Variants in PGS1 observed in about 807,000 individuals in gnomAD.
PGS1 encodes the protein phosphatidylglycerophosphate synthase 1, also known as CDP-diacylglycerol--glycerol-3-phosphate 3-phosphatidyltransferase, mitochondrial.
A neutral mutation model predicts 58.3 loss-of-function variants in PGS1; 44 were observed. That is an observed-to-expected ratio of 0.75 (90% CI 0.59 to 0.97). The LOEUF (loss-of-function observed/expected upper bound fraction) is 0.97. Among genes scored for constraint, PGS1 ranks in the 50% least tolerant of loss-of-function variants. The probability of loss-of-function intolerance (pLI) is 0.00; values close to 1 mark genes in which losing one functional copy is unlikely to be tolerated. For missense variants in PGS1, 684 were observed against 731.1 expected (o/e 0.94, Z 0.74); for synonymous variants, 330 against 311.0 (o/e 1.06, Z -0.64).
At chr17:78,415,127 G>C in intron 8 of PGS1, 100 bp downstream of exon 8, 1 of 1,352,858 alleles carries the variant, frequency 7.4e-7, no homozygotes, top group East Asian at 2.4e-5. Flanking sequence ...GTTTCCTGAG[G>C]CAACGAGTGA....
Position 78,403,756 on chromosome 17 carries a change from A to G in PGS1, c.1069A>G (p.Met357Val). 1 of 1,614,208 alleles carries G rather than the reference A, an allele frequency of 6.2e-7. No homozygotes were observed. The highest frequency in any genetic ancestry group is 8.5e-7 in the Non-Finnish European group (1 of 1,180,036). The change falls in exon 7 of 10, where the codon ATG becomes GTG. Residue 357 changes from methionine to valine, a missense_variant. Coordinates refer to ENST00000262764, the MANE Select transcript of PGS1 (RefSeq NM_024419.5). Reference protein sequence around the residue: ...PDTWIYPLIQMKPFEIQIDEI... With the variant: ...PDTWIYPLIQVKPFEIQIDEI... ...CACCTGGATTTATCCGCTGATTCAG[A>G]TGAAGCCCTTCGAGATTCAAATCGA... is the stretch of plus-strand genomic sequence containing the variant.
At chr17:78,394,198 A>AG (rs1465645725) in intron 2 of PGS1, among the ~76,000 whole-genome samples, 1 of 151,250 alleles carries the variant, frequency 6.6e-6, no homozygotes, top group Non-Finnish European at 1.5e-5. Flanking sequence ...AAAAAAAAAA[A>AG]AGAATGAAGG....
At chr17:78,389,862 C>T (rs149494447) in intron 1 of PGS1, among the ~76,000 whole-genome samples, 5 of 152,256 alleles carry the variant, frequency 3.3e-5, no homozygotes, top group South Asian at 2.1e-4. Flanking sequence ...GTTTTCTTCC[C>T]GCCTTGGCCT....
At chr17:78,396,530 T>A (rs1323329020) in intron 3 of PGS1, 145 bp downstream of exon 3, 3 of 637,862 alleles carry the variant, frequency 4.7e-6, no homozygotes, top group African/African-American at 1.8e-5. Context: ...GCCCCAGATA[T>A]GGGCATGTCA....
intron 7 of PGS1, among the ~76,000 whole-genome samples, chr17:78,410,770 C>T (rs2084613669): frequency 6.6e-6 from 1 of 152,148 alleles, no homozygotes; most frequent in African/African-American, 2.4e-5. Context: ...CTGCGCCTGG[C>T]CGTCAGAGCT....
intron 9 of PGS1, among the ~76,000 whole-genome samples, chr17:78,422,476 C>CGA (rs1457258352): frequency 2.4e-5 from 3 of 125,140 alleles, no homozygotes; most frequent in Non-Finnish European, 5.5e-5. Context: ...GAACGTAGAA[C>CGA]GATATTCCTA....
At chr17:78,419,761 T>G in intron 9 of PGS1, 86 bp downstream of exon 9, 1 of 1,580,988 alleles carries the variant, frequency 6.3e-7, no homozygotes, top group Non-Finnish European at 8.6e-7. Context: ...AACCAGAGCT[T>G]CCAGAGGGCT....
chr17:78,387,598 CTTTTT>C (rs34252361), intron 1 of PGS1, among the ~76,000 whole-genome samples: 1 of 104,272 alleles, frequency 9.6e-6, no homozygotes, highest in African/African-American at 3.6e-5. Flanking sequence ...CGCGCCCAGC[CTTTTT>C]TTTTTTTTTT....
chr17:78,388,512 T>A lies in PGS1; in HGVS notation c.144-3964T>A, dbSNP rs1598257149. On this transcript the variant is annotated intron_variant, in intron 1 of 9. Coordinates refer to ENST00000262764, the MANE Select transcript of PGS1 (RefSeq NM_024419.5). ...CCACGCCTGGCTAATTTTTTTTTTT[T>A]ATTTTTTATTTTTTGTAGAGACAGG... Among the ~76,000 whole-genome samples the A allele has an allele frequency of 3.9e-5, 6 of 152,204 alleles. No homozygotes were observed. The South Asian group carries it at 6.2e-4, about 16-fold the overall frequency.
rs796934052 is a variant in PGS1 at position 78,389,120 on chromosome 17, T to C, written c.144-3356T>C. ...CTCTCTCACCCAGGTTGGAGTGCAA[T>C]GGTGTGATCTCGGCTCACTGCAACC... On this transcript the variant is annotated intron_variant, in intron 1 of 9. Coordinates refer to ENST00000262764, the MANE Select transcript of PGS1 (RefSeq NM_024419.5). Among the ~76,000 whole-genome samples, 6 of 134,010 alleles carry C rather than the reference T, an allele frequency of 4.5e-5. No individual in the cohort carries two copies. In the East Asian group the frequency reaches 1.5e-3, roughly 33 times the overall value. 87.9% of individuals were successfully genotyped at this position (134,010 alleles called of 152,430 possible). A position where few individuals can be genotyped will look rare whatever the true frequency, so the allele number is the denominator to read the frequency against.
chr17:78,378,854 C>T, intron 1 of PGS1, 46 bp downstream of exon 1: 2 of 1,353,604 alleles, frequency 1.5e-6, no homozygotes, highest in Non-Finnish European at 1.9e-6. Flanking sequence ...GCGGCTGCAG[C>T]CCGGCCCCCC....
At chr17:78,410,624 C>G (rs116818229) in intron 7 of PGS1, among the ~76,000 whole-genome samples, 2,370 of 151,912 alleles carry the variant, frequency 0.016, 45 homozygotes, top group African/African-American at 0.05. Flanking sequence ...CAGGCACGCA[C>G]CAGAATGCCC....
At position 78,400,823 on chromosome 17, in the gene PGS1, A is replaced by G. The variant is rs796911717; in HGVS notation, c.848A>G (p.Gln283Arg). ...CAGCTGCAGGGGGACGACACGGTGC[A>G]GGTGGTGGATGGGATGGTGCATCCT... Reference protein sequence around the residue: ...SLQLQGDDTVQVVDGMVHPYK... With the variant: ...SLQLQGDDTVRVVDGMVHPYK... Residue 283 changes from glutamine (Q) to arginine (R), a missense_variant, in exon 6 of 10, where the codon CAG becomes CGG. Physicochemically the swap from Gln to Arg is conservative, Grantham distance 43. Coordinates refer to ENST00000262764, the MANE Select transcript of PGS1 (RefSeq NM_024419.5). This position sits in a 1 kb window ranked among gnomAD's most constrained non-coding sequence, Gnocchi z 4.4. The G allele has an allele frequency of 1.2e-6, 2 of 1,611,716 alleles. No individual in the cohort carries two copies. Among genetic ancestry groups the G allele is most frequent in the Non-Finnish European group, 1.7e-6 (2 of 1,178,564 alleles).
chr17:78,393,367 T>C (rs1316870259), intron 2 of PGS1, among the ~76,000 whole-genome samples: 1 of 152,192 alleles, frequency 6.6e-6, no homozygotes, highest in Admixed American at 6.5e-5. Context: ...GCCTAGACTT[T>C]GATTCTTATG....
intron 1 of PGS1, among the ~76,000 whole-genome samples, chr17:78,387,512 T>C (rs1286939804): frequency 6.6e-6 from 1 of 151,560 alleles, no homozygotes; most frequent in East Asian, 1.9e-4. Flanking sequence ...TTGGTCAGGC[T>C]GGTCTTGAAC....
Position 78,400,888 on chromosome 17 carries a change from G to A in PGS1, c.880+33G>A. The A allele has an allele frequency of 3.3e-6, 5 of 1,530,626 alleles. No individual in the cohort carries two copies. Among genetic ancestry groups the A allele is most frequent in the Non-Finnish European group, 4.4e-6 (5 of 1,131,040 alleles). 94.8% of individuals were successfully genotyped at this position (1,530,626 alleles called of 1,614,324 possible). A position where few individuals can be genotyped will look rare whatever the true frequency, so the allele number is the denominator to read the frequency against. ...CTGCCGCTGACACCCTTCTATGGCT[G>A]TGGGTGGGGTGGAGTGAGGGCCCGG... On this transcript the variant is annotated intron_variant, in intron 6 of 9. Transcript: ENST00000262764. This position sits in a 1 kb window ranked among gnomAD's most constrained non-coding sequence, Gnocchi z 4.4.
At chr17:78,422,681 T>G (rs921317105) in intron 9 of PGS1, among the ~76,000 whole-genome samples, 2 of 152,050 alleles carry the variant, frequency 1.3e-5, no homozygotes, top group Admixed American at 6.6e-5. Flanking sequence ...TATTTTTGAT[T>G]GATAGAGATG....
chr17:78,409,885 C>T (rs182547653), intron 7 of PGS1, among the ~76,000 whole-genome samples: 4 of 152,154 alleles, frequency 2.6e-5, no homozygotes, highest in South Asian at 2.1e-4. Flanking sequence ...CCAAGGTAGG[C>T]GGATCACCTG....
Position 78,403,806 on chromosome 17 carries a change from G to A in PGS1, c.1119G>A (p.Leu373=). 1.2e-6 allele frequency: 2 copies of A among 1,614,210 alleles called. No individual in the cohort carries two copies. Among genetic ancestry groups the A allele is most frequent in the Middle Eastern group, 1.6e-4 (1 of 6,062 alleles). The part of the protein sequence containing the change: ...QIDEIVTETL[L]TEAERGAKVY... Reference sequence around the variant, plus strand: ...ATGAGATTGTCACTGAGACCCTGTTGACTGAGGCGGAGCGCGGGGCAAAGG... The same window carrying A: ...ATGAGATTGTCACTGAGACCCTGTTAACTGAGGCGGAGCGCGGGGCAAAGG... Residue 373 remains leucine, a synonymous_variant, in exon 7 of 10, where the codon TTG becomes TTA. Coordinates refer to ENST00000262764, the MANE Select transcript of PGS1 (RefSeq NM_024419.5).
Sources: allele counts gnomAD v4.1 joint callset (sites outside exome capture counted in the v4.1 genomes callset), GRCh38; gene constraint gnomAD v4.1.1; non-coding constraint Gnocchi (gnomAD v3.1); transcripts MANE v1.5; gene names NCBI Gene and HGNC (gene_info 2026-07-23, HGNC 2026-07-21).